Variants in CTXND1 observed in about 807,000 individuals in gnomAD.
The protein encoded by CTXND1 is cortexin domain-containing 1 protein.
chr15:80,250,432 C>T (rs1036770235), intron 1 of CTXND1, among the ~76,000 whole-genome samples: 3 of 151,950 alleles, frequency 2.0e-5, no homozygotes, highest in South Asian at 2.1e-4. Flanking sequence ...CATGTAATGG[C>T]GAGAAATTTG....
intron 1 of CTXND1, among the ~76,000 whole-genome samples, chr15:80,242,034 A>G (rs12441895): frequency 0.19 from 28,336 of 152,184 alleles, 3,429 homozygotes; most frequent in East Asian, 0.59. Context: ...GAGGAGACCG[A>G]GGCTCAGAGA....
intron 1 of CTXND1, among the ~76,000 whole-genome samples, chr15:80,245,870 C>T (rs570007965): frequency 9.2e-5 from 14 of 152,226 alleles, no homozygotes; most frequent in African/African-American, 2.4e-4. Context: ...TGATGGACAA[C>T]CCCCAACCCC....
intron 1 of CTXND1, among the ~76,000 whole-genome samples, chr15:80,241,217 C>G (rs1361791561): frequency 6.6e-6 from 1 of 152,260 alleles, no homozygotes; most frequent in South Asian, 2.1e-4. Context: ...GTGTGACTCC[C>G]TAGACCACTC....
At chr15:80,216,346 A>G (rs532298763) in intron 1 of CTXND1, among the ~76,000 whole-genome samples, 10 of 152,324 alleles carry the variant, frequency 6.6e-5, no homozygotes, top group African/African-American at 2.2e-4. Flanking sequence ...GTAAACTGAC[A>G]TACGCTCAAA....
chr15:80,214,672 A>G (rs1011309995), intron 1 of CTXND1, among the ~76,000 whole-genome samples: 4 of 152,194 alleles, frequency 2.6e-5, no homozygotes, highest in Non-Finnish European at 5.9e-5. Flanking sequence ...CATAACTCTC[A>G]TCACTGAACA....
rs1595902586 is a variant in CTXND1, at chr15:80,201,972, G to A, written c.-23C>T. The stretch of plus-strand genomic sequence containing the variant: ...CATCTCGCGGCAGCGACTGCGGGCT[G>A]CTCCTCCTCCGCCTCGGGTTTGACT... On this transcript the variant is annotated 5_prime_UTR_variant, in exon 3 of 3. It introduces an in-frame stop codon into an upstream open reading frame of the 5' UTR. Transcript: ENST00000560778. 3 of 399,146 alleles carry A rather than the reference G, an allele frequency of 7.5e-6. No individual in the cohort carries two copies. The highest frequency in any genetic ancestry group is 1.3e-4 in the South Asian group (1 of 7,862). The allele number at this position is 399,146 out of a possible 1,614,324, so 24.7% of individuals were successfully genotyped here.
At chr15:80,237,297 TGCACTCCAACCTGGGCGACAGA>T (rs1292867177) in intron 1 of CTXND1, among the ~76,000 whole-genome samples, 2 of 138,694 alleles carry the variant, frequency 1.4e-5, no homozygotes, top group African/African-American at 5.5e-5. Context: ...ATCGCGCCAC[TGCACTCCAACCTGGGCGACAGA>T]GCGAGACAGT....
At chr15:80,226,144 TA>T (rs889527188) in intron 1 of CTXND1, among the ~76,000 whole-genome samples, 12 of 152,214 alleles carry the variant, frequency 7.9e-5, no homozygotes, top group Non-Finnish European at 7.3e-5. Context: ...AGCTCAAAGC[TA>T]CTATGGAGGA....
rs1283914110 is a variant in CTXND1, at chr15:80,201,476, G to A, written c.*294C>T. 1 of 291,988 alleles carries A rather than the reference G, an allele frequency of 3.4e-6. No individual in the cohort carries two copies. The highest frequency in any genetic ancestry group is 6.3e-6 in the Non-Finnish European group (1 of 158,542). 18.1% of individuals were successfully genotyped at this position (291,988 alleles called of 1,614,324 possible). A position where few individuals can be genotyped will look rare whatever the true frequency, so the allele number is the denominator to read the frequency against. On this transcript the variant is annotated 3_prime_UTR_variant, in exon 3 of 3. Transcript: ENST00000560778. Reference sequence around the variant, plus strand: ...AAGGTGCCCAGGAACCTGGGAAGGTGACTACCCTATCATCTCACAGGGACT... The same window carrying A: ...AAGGTGCCCAGGAACCTGGGAAGGTAACTACCCTATCATCTCACAGGGACT...
intron 1 of CTXND1, among the ~76,000 whole-genome samples, chr15:80,247,113 T>C (rs1411082491): frequency 2.0e-5 from 3 of 151,952 alleles, no homozygotes; most frequent in Admixed American, 6.6e-5. Flanking sequence ...CTGGAAGTGG[T>C]GGAGTTAAGA....
In CTXND1 at chr15:80,200,775, A is replaced by G. The variant is rs1344744394; in HGVS notation, c.*995T>C. ...TAGAACCCAGGTCTCCCCATTCAAT[A>G]TTCATCTCATGGACTGTGCACCCCC... On this transcript the variant is annotated 3_prime_UTR_variant, in exon 3 of 3. Transcript: ENST00000560778. The G allele has an allele frequency of 1.3e-5, 2 of 152,192 alleles. No homozygotes were observed. The highest frequency in any genetic ancestry group is 1.3e-4 in the Admixed American group (2 of 15,280). The allele number at this position is 152,192 out of a possible 1,614,324, so 9.4% of individuals were successfully genotyped here. A position where few individuals can be genotyped will look rare whatever the true frequency, so the allele number is the denominator to read the frequency against.
intron 1 of CTXND1, among the ~76,000 whole-genome samples, chr15:80,238,831 A>G (rs569363176): frequency 2.6e-5 from 4 of 152,344 alleles, no homozygotes; most frequent in Middle Eastern, 3.4e-3. Context: ...AGTATTCAGT[A>G]CAATAACATA....
Position 80,220,170 on chromosome 15 carries a change from TATTTATC to T in CTXND1, c.-217-16437_-217-16431del, listed in dbSNP as rs1353693142. 5.9e-3 allele frequency among the ~76,000 whole-genome samples: 897 copies of T among 151,646 alleles called. 10 individuals are homozygous for T. The highest frequency in any genetic ancestry group is 0.021 in the African/African-American group (861 of 41,300). On this transcript the variant is annotated intron_variant, in intron 1 of 2. Coordinates refer to ENST00000560778, the MANE Select transcript of CTXND1 (RefSeq NM_001352888.2). ...TCATCTATCTATCTATCTATCTATC[TATTTATC>T]TATCTATCTATATTAGAATTCTACA...
chr15:80,243,965 G>C (rs1014055144), intron 1 of CTXND1, among the ~76,000 whole-genome samples: 11 of 152,200 alleles, frequency 7.2e-5, no homozygotes, highest in African/African-American at 2.4e-4. Context: ...TGGGCCATCT[G>C]GAAGGCAACA....
chr15:80,197,219 G>C lies in CTXND1; in HGVS notation c.*4551C>G, dbSNP rs1221851354. The C allele has an allele frequency of 6.6e-6, 1 of 152,088 alleles. No homozygotes were observed. The highest frequency in any genetic ancestry group is 1.5e-5 in the Non-Finnish European group (1 of 68,026). The allele number at this position is 152,088 out of a possible 1,614,324, so 9.4% of individuals were successfully genotyped here. On this transcript the variant is annotated 3_prime_UTR_variant, in exon 3 of 3. Transcript: ENST00000560778. ...CTATAGGTGTGCAACACCACAGCCAGGTAATTTTTTTTTAATTATTTTATT... is the reference window on the plus strand; with the variant it reads ...CTATAGGTGTGCAACACCACAGCCACGTAATTTTTTTTTAATTATTTTATT...
chr15:80,237,911 A>G (rs1013145158), intron 1 of CTXND1, among the ~76,000 whole-genome samples: 2 of 145,008 alleles, frequency 1.4e-5, no homozygotes, highest in African/African-American at 5.2e-5. Context: ...CAGGAGACTG[A>G]GGCAGGTGAA....
At chr15:80,216,277 C>T (rs549469543) in intron 1 of CTXND1, among the ~76,000 whole-genome samples, 23 of 152,290 alleles carry the variant, frequency 1.5e-4, no homozygotes, top group Admixed American at 8.5e-4. Flanking sequence ...AGTATTTCCC[C>T]TAAATTAATG....
At chr15:80,219,350 T>C (rs1302175407) in intron 1 of CTXND1, among the ~76,000 whole-genome samples, 1 of 152,222 alleles carries the variant, frequency 6.6e-6, no homozygotes, top group African/African-American at 2.4e-5. Flanking sequence ...CTCATGCCAA[T>C]ACATGTAACT....
chr15:80,199,259 T>C lies in CTXND1; in HGVS notation c.*2511A>G, dbSNP rs1204430018. ...AACCACCTAGCGAATCTTGCTAATATACATTCTGTACGTAGGTCTGGAGGG... is the reference window on the plus strand; with the variant it reads ...AACCACCTAGCGAATCTTGCTAATACACATTCTGTACGTAGGTCTGGAGGG... On this transcript the variant is annotated 3_prime_UTR_variant, in exon 3 of 3. Transcript: ENST00000560778. The C allele has an allele frequency of 2.6e-5, 4 of 152,228 alleles. No individual in the cohort carries two copies. Among genetic ancestry groups the C allele is most frequent in the Admixed American group, 2.6e-4 (4 of 15,288 alleles). The allele number at this position is 152,228 out of a possible 1,614,324, so 9.4% of individuals were successfully genotyped here.
Sources: gnomAD v4.1 joint callset for allele counts (sites outside exome capture counted in the v4.1 genomes callset) on GRCh38, gnomAD v4.1.1 for gene constraint, MANE v1.5 for transcripts, NCBI Gene and HGNC (gene_info 2026-07-23, HGNC 2026-07-21) for gene names.